The following DGKH variants were observed in gnomAD, a reference collection of about 807,000 sequenced individuals.
DGKH encodes diacylglycerol kinase eta.
DGKH carries 90 observed loss-of-function variants against 159.3 expected under a neutral mutation model. That is an observed-to-expected ratio of 0.57 (90% CI 0.48 to 0.67). The LOEUF is 0.67. DGKH is among the 30% of genes least tolerant of loss of function. DGKH has a pLI of 0.00. For missense variants in DGKH, 1,181 were observed against 1,506.1 expected (o/e 0.78, Z 3.57); for synonymous variants, 536 against 553.8 (o/e 0.97, Z 0.45).
intron 1 of DGKH, among the ~76,000 whole-genome samples, chr13:42,050,303 G>C (rs61959192): frequency 2.6e-5 from 4 of 152,012 alleles, no homozygotes; most frequent in African/African-American, 9.7e-5. Flanking sequence ...CCCGGGAGGC[G>C]GAGGTTGTGG....
intron 13 of DGKH, among the ~76,000 whole-genome samples, chr13:42,182,908 T>TAAAA (rs5803119): frequency 1.5e-4 from 22 of 147,990 alleles, no homozygotes; most frequent in Admixed American, 8.1e-4. Context: ...ACAAGGTCTT[T>TAAAA]AAAAAAAAAA....
intron 3 of DGKH, among the ~76,000 whole-genome samples, chr13:42,152,043 C>CA (rs1378199559): frequency 2.6e-5 from 4 of 152,118 alleles, no homozygotes; most frequent in Non-Finnish European, 5.9e-5. Context: ...TGATGTTGAG[C>CA]ATTTTTTTTG....
intron 1 of DGKH, among the ~76,000 whole-genome samples, chr13:42,119,861 T>C (rs1955035050): frequency 6.6e-6 from 1 of 152,228 alleles, no homozygotes; most frequent in Admixed American, 6.5e-5. Flanking sequence ...TCTTGATTTT[T>C]ATACCTCTTA....
intron 3 of DGKH, among the ~76,000 whole-genome samples, chr13:42,131,038 G>GT (rs1955278074): frequency 6.6e-6 from 1 of 151,972 alleles, no homozygotes; most frequent in African/African-American, 2.4e-5. Context: ...GAATTGAAAA[G>GT]TGATGGTTCA....
At chr13:42,092,253 A>G (rs565430839) in intron 1 of DGKH, among the ~76,000 whole-genome samples, 1 of 152,330 alleles carries the variant, frequency 6.6e-6, no homozygotes, top group East Asian at 1.9e-4. Context: ...TATATCCAAA[A>G]GAAACGTATC....
chr13:42,142,587 A>C (rs915083984), intron 3 of DGKH, among the ~76,000 whole-genome samples: 3 of 151,926 alleles, frequency 2.0e-5, no homozygotes, highest in African/African-American at 4.8e-5. Flanking sequence ...AGTGGTTTGT[A>C]GTTCTCCTTG....
intron 2 of DGKH, among the ~76,000 whole-genome samples, chr13:42,128,022 T>C (rs1361308666): frequency 6.6e-6 from 1 of 151,798 alleles, no homozygotes; most frequent in East Asian, 1.9e-4. Flanking sequence ...TCCAATGGAG[T>C]GGCTGTGGAC....
At chr13:42,053,528 CTATATATGTATA>C (rs1881500023) in intron 1 of DGKH, among the ~76,000 whole-genome samples, 1 of 63,038 alleles carries the variant, frequency 1.6e-5, no homozygotes, top group Non-Finnish European at 3.4e-5. Context: ...CTATATATAA[CTATATATGTATA>C]TATATAACTA....
chr13:42,087,758 T>G lies in DGKH; in HGVS notation c.192+38793T>G, dbSNP rs1954336151. Among the ~76,000 whole-genome samples the G allele has an allele frequency of 4.6e-5, 7 of 151,940 alleles. No homozygotes were observed. The South Asian group carries it at 1.5e-3, about 32-fold the overall frequency. On this transcript the variant is annotated intron_variant, in intron 1 of 29. Transcript: ENST00000337343. ...TGATGCACTGCTCATTTTTTTTTTT[T>G]TTTTGCAATGAGCTGTGGGACAGTA... is the stretch of plus-strand genomic sequence containing the variant.
At chr13:42,211,867 G>A (rs983478645) in intron 24 of DGKH, among the ~76,000 whole-genome samples, 1 of 152,122 alleles carries the variant, frequency 6.6e-6, no homozygotes, top group Non-Finnish European at 1.5e-5. Context: ...CACATCTTGT[G>A]AGACTTAGTC....
chr13:42,068,381 A>C (rs1176891956), intron 1 of DGKH, among the ~76,000 whole-genome samples: 2 of 152,212 alleles, frequency 1.3e-5, no homozygotes, highest in African/African-American at 4.8e-5. Flanking sequence ...ACACTGGCTA[A>C]ATAGAAGTGC....
chr13:42,167,878 C>T (rs1956349197), intron 9 of DGKH, among the ~76,000 whole-genome samples: 1 of 152,046 alleles, frequency 6.6e-6, no homozygotes, highest in African/African-American at 2.4e-5. Context: ...TTCCATAATA[C>T]TTGAAGTAAG....
intron 3 of DGKH, among the ~76,000 whole-genome samples, chr13:42,151,619 T>C (rs1955906737): frequency 7.9e-6 from 1 of 126,262 alleles, no homozygotes; most frequent in Non-Finnish European, 1.7e-5. Flanking sequence ...ACACACCCCA[T>C]GGAAAACTAC....
chr13:42,225,223 A>C, intron 29 of DGKH: 7 of 1,511,890 alleles, frequency 4.6e-6, no homozygotes, highest in Non-Finnish European at 4.5e-6. Flanking sequence ...ATGCCCAGCC[A>C]GGAAAGTATT....
chr13:42,250,922 A>G (rs1958615874), intron 29 of DGKH, among the ~76,000 whole-genome samples: 1 of 152,244 alleles, frequency 6.6e-6, no homozygotes, highest in Admixed American at 6.5e-5. Flanking sequence ...AAATGATATT[A>G]TTAAAGCATA....
intron 1 of DGKH, among the ~76,000 whole-genome samples, chr13:42,112,695 T>C (rs563697967): frequency 1.3e-5 from 2 of 152,312 alleles, no homozygotes; most frequent in Admixed American, 1.3e-4. Context: ...TCTGATTGCA[T>C]TGTCATTAAA....
upstream of DGKH, chr13:42,043,797 G>A (rs1935472872): frequency 6.6e-6 from 1 of 151,912 alleles, no homozygotes. Flanking sequence ...GATAACATAA[G>A]GGCATGTACA....
chr13:42,097,180 T>C (rs1185812545), intron 1 of DGKH, among the ~76,000 whole-genome samples: 1 of 152,232 alleles, frequency 6.6e-6, no homozygotes, highest in Non-Finnish European at 1.5e-5. Flanking sequence ...TGTATTCCCT[T>C]TCAGTTTTCA....
chr13:42,108,425 C>G (rs1339584002), intron 1 of DGKH, among the ~76,000 whole-genome samples: 2 of 152,114 alleles, frequency 1.3e-5, no homozygotes, highest in African/African-American at 4.8e-5. Flanking sequence ...GGAAGAGGAG[C>G]AGAATTGCCA....
Sources: gnomAD v4.1 joint callset for allele counts (sites outside exome capture counted in the v4.1 genomes callset) on GRCh38, gnomAD v4.1.1 for gene constraint, MANE v1.5 for transcripts, NCBI Gene and HGNC (gene_info 2026-07-23, HGNC 2026-07-21) for gene names.